The following EPB41 variants were observed in gnomAD, a reference collection of about 807,000 sequenced individuals.
The protein encoded by EPB41 is erythrocyte membrane protein band 4.1.
A neutral mutation model predicts 108.0 loss-of-function variants in EPB41; 65 were observed. The observed-to-expected ratio is 0.60, with a 90% confidence interval of 0.49 to 0.74. The LOEUF is 0.74. Among genes scored for constraint, EPB41 ranks in the 30% least tolerant of loss-of-function variants. EPB41 has a pLI of 0.00. For synonymous variants in EPB41, 336 were observed against 358.9 expected, an observed-to-expected ratio of 0.94 and a Z score of 0.72; for missense variants, 875 against 1,037.0, an observed-to-expected ratio of 0.84 and a Z score of 2.15.
intron 1 of EPB41, among the ~76,000 whole-genome samples, chr1:28,950,849 T>C (rs2094692390): frequency 6.6e-6 from 1 of 152,184 alleles, no homozygotes; most frequent in African/African-American, 2.4e-5. Flanking sequence ...TACTTTTTTT[T>C]TTTGAGACGG....
rs140029845 is a variant in EPB41 at position 28,998,344 on chromosome 1, A to G, written c.786+1025A>G. On this transcript the variant is annotated intron_variant, in intron 4 of 20. Coordinates refer to ENST00000343067, the MANE Select transcript of EPB41 (RefSeq NM_001376013.1). ...AACATAGGATATGAGGAATAGAGTA[A>G]CAGATGAATCTGGACAGGTATACGT... is the stretch of plus-strand genomic sequence containing the variant. Among the ~76,000 whole-genome samples, 806 of 152,284 alleles carry G rather than the reference A, an allele frequency of 5.3e-3. 5 individuals are homozygous for G. Among genetic ancestry groups the G allele is most frequent in the Non-Finnish European group, 8.4e-3 (570 of 68,016 alleles).
At chr1:28,903,318 TTTTC>T (rs1050529158) in intron 1 of EPB41, among the ~76,000 whole-genome samples, 2 of 145,510 alleles carry the variant, frequency 1.4e-5, no homozygotes, top group Non-Finnish European at 1.5e-5. Flanking sequence ...TTTCTTTTTC[TTTTC>T]TTTCTTTTTT....
intron 4 of EPB41, among the ~76,000 whole-genome samples, chr1:29,009,938 T>TGTG (rs2096470837): frequency 6.6e-6 from 1 of 152,214 alleles, no homozygotes; most frequent in African/African-American, 2.4e-5. Flanking sequence ...ATTTTTAAAA[T>TGTG]GTGGTGTTCA....
intron 18 of EPB41, among the ~76,000 whole-genome samples, chr1:29,111,384 C>A (rs541717133): frequency 2.0e-5 from 3 of 151,080 alleles, no homozygotes; most frequent in Non-Finnish European, 4.4e-5. Flanking sequence ...AGGCTGGGCG[C>A]GGTGGCTCAC....
rs536065087 is a variant in EPB41, at chr1:29,061,993, G to A, written c.2007+1509G>A. On this transcript the variant is annotated intron_variant, in intron 15 of 20. Transcript: ENST00000343067. ...ATTTTGAGTACTTGTTATGTATAAA[G>A]TCTCTGAGAAAAAAATATGCCCAGC... is the stretch of plus-strand genomic sequence containing the variant. Among the ~76,000 whole-genome samples, 17 of 152,238 alleles carry A rather than the reference G, an allele frequency of 1.1e-4. No homozygotes were observed. In the South Asian group the frequency reaches 3.3e-3, roughly 30 times the overall value.
At chr1:28,925,051 C>T (rs2093363258) in intron 1 of EPB41, among the ~76,000 whole-genome samples, 1 of 151,588 alleles carries the variant, frequency 6.6e-6, no homozygotes, top group Admixed American at 6.6e-5. Flanking sequence ...CTGCAACCTC[C>T]GTCTCCCAGG....
At chr1:29,104,370 G>A (rs767558613) in intron 17 of EPB41, among the ~76,000 whole-genome samples, 13 of 152,078 alleles carry the variant, frequency 8.5e-5, no homozygotes, top group African/African-American at 2.4e-5. Flanking sequence ...TAGTTTTTAC[G>A]TGTAGTTTTT....
At chr1:29,055,136 A>G (rs1159075740) in intron 12 of EPB41, among the ~76,000 whole-genome samples, 1 of 152,248 alleles carries the variant, frequency 6.6e-6, no homozygotes, top group Non-Finnish European at 1.5e-5. Context: ...GATTGAGTGA[A>G]TGGTAGGTGT....
intron 5 of EPB41, among the ~76,000 whole-genome samples, chr1:29,013,286 C>T (rs1458487731): frequency 6.6e-6 from 1 of 150,462 alleles, no homozygotes; most frequent in African/African-American, 2.5e-5. Context: ...GATCGCGCCA[C>T]TGCACTCCAG....
At chr1:28,912,965 C>T (rs1027089633), upstream of EPB41, among the ~76,000 whole-genome samples, 1 of 151,494 alleles carries the variant, frequency 6.6e-6, no homozygotes, top group Non-Finnish European at 1.5e-5. Flanking sequence ...TATCCTTCTC[C>T]CTCCCCCAAC....
At chr1:29,059,878 A>G (rs1245254423) in intron 14 of EPB41, among the ~76,000 whole-genome samples, 1 of 152,192 alleles carries the variant, frequency 6.6e-6, no homozygotes, top group Non-Finnish European at 1.5e-5. Context: ...ATCAGTCTGA[A>G]TCAGTTAACT....
At chr1:28,928,229 T>G (rs1419857713) in intron 1 of EPB41, among the ~76,000 whole-genome samples, 2 of 152,148 alleles carry the variant, frequency 1.3e-5, no homozygotes, top group Non-Finnish European at 2.9e-5. Flanking sequence ...ATATGTTTTC[T>G]AGTGGCAGAA....
chr1:29,037,864 T>C (rs539967365), intron 10 of EPB41, among the ~76,000 whole-genome samples: 1 of 139,788 alleles, frequency 7.2e-6, no homozygotes, highest in Non-Finnish European at 1.7e-5. Flanking sequence ...GTTTCTTTAT[T>C]ATGGAAAATT....
chr1:28,929,386 C>T (rs537691955), intron 1 of EPB41, among the ~76,000 whole-genome samples: 32 of 150,740 alleles, frequency 2.1e-4, no homozygotes, highest in Non-Finnish European at 4.1e-4. Flanking sequence ...CCACCGTGCC[C>T]GGCTAATTTT....
chr1:28,975,845 G>T (rs1466735656), intron 1 of EPB41, among the ~76,000 whole-genome samples: 4 of 149,916 alleles, frequency 2.7e-5, no homozygotes, highest in South Asian at 2.1e-4. Context: ...GCGGGCTGAG[G>T]CAGGAGAATG....
chr1:28,987,749 A>T lies in EPB41; in HGVS notation c.312A>T (p.Ser104=), dbSNP rs979954102. Reference sequence around the variant, plus strand: ...AGGAAGAAGGCAAAGAAGTAGAGTCAGATAAAGAAAAAGGTGAAGGAGGTC... The same window carrying T: ...AGGAAGAAGGCAAAGAAGTAGAGTCTGATAAAGAAAAAGGTGAAGGAGGTC... The part of the protein sequence containing the change: ...VSEEEGKEVE[S]DKEKGEGGQK... Residue 104 remains serine (S), a synonymous_variant, in exon 2 of 21, where the codon TCA becomes TCT. Coordinates refer to ENST00000343067, the MANE Select transcript of EPB41 (RefSeq NM_001376013.1). The T allele has an allele frequency of 6.2e-7, 1 of 1,614,218 alleles. No individual in the cohort carries two copies. Among genetic ancestry groups the T allele is most frequent in the Non-Finnish European group, 8.5e-7 (1 of 1,180,050 alleles).
chr1:29,084,274 G>T (rs756900972), intron 16 of EPB41, among the ~76,000 whole-genome samples: 3 of 152,072 alleles, frequency 2.0e-5, no homozygotes, highest in East Asian at 1.9e-4. Flanking sequence ...TTTCCCAGAC[G>T]TATAGAAACA....
At position 29,017,239 on chromosome 1, in the gene EPB41, C is replaced by G. The variant is rs139383221; in HGVS notation, c.906-985C>G. Among the ~76,000 whole-genome samples, 30 of 152,224 alleles carry G rather than the reference C, an allele frequency of 2.0e-4. No individual in the cohort carries two copies. In the East Asian group the frequency reaches 5.4e-3, roughly 27 times the overall value. ...TTTTTGTGCCTTGTTTGGCATTGTT[C>G]TGACATTTAAAAAAATGTACGTTAT... is the stretch of plus-strand genomic sequence containing the variant. On this transcript the variant is annotated intron_variant, in intron 6 of 20. Transcript: ENST00000343067.
intron 17 of EPB41, among the ~76,000 whole-genome samples, chr1:29,108,714 C>T (rs112863327): frequency 4.8e-4 from 73 of 151,714 alleles, no homozygotes; most frequent in African/African-American, 1.7e-3. Flanking sequence ...AGCACCACCA[C>T]GTCCGGCTAA....
Sources: gnomAD v4.1 joint callset for allele counts (sites outside exome capture counted in the v4.1 genomes callset) on GRCh38, gnomAD v4.1.1 for gene constraint, MANE v1.5 for transcripts, NCBI Gene and HGNC (gene_info 2026-07-23, HGNC 2026-07-21) for gene names.